Variants in FIRRM observed in about 807,000 individuals in gnomAD.
FIRRM encodes FIGNL1-interacting regulator of recombination and mitosis.
At chr1:169,791,406 C>T in the FIRRM span, among the ~76,000 whole-genome samples, 9 of 152,168 alleles carry the variant, frequency 5.9e-5, no homozygotes, top group East Asian at 5.8e-4. Flanking sequence ...TTCATCTTAG[C>T]GTAGTAAGAG....
At chr1:169,788,299 T>C in the FIRRM span, among the ~76,000 whole-genome samples, 1 of 152,284 alleles carries the variant, frequency 6.6e-6, no homozygotes. Context: ...TACTCCTCAG[T>C]CTACTCAAAG....
the FIRRM span, chr1:169,850,693 G>A: frequency 1.6e-4 from 27 of 173,376 alleles, no homozygotes; most frequent in Non-Finnish European, 2.4e-4. Flanking sequence ...CTACTCGGGA[G>A]GCTGAGGCAG....
chr1:169,824,485 C>T, the FIRRM span, among the ~76,000 whole-genome samples: 8 of 152,258 alleles, frequency 5.3e-5, no homozygotes, highest in South Asian at 1.0e-3. Context: ...AATACCGTCT[C>T]GTTTCTCTGC....
At chr1:169,785,246 T>C in the FIRRM span, among the ~76,000 whole-genome samples, 1 of 152,164 alleles carries the variant, frequency 6.6e-6, no homozygotes, top group Non-Finnish European at 1.5e-5. Flanking sequence ...GGCGAGCTCT[T>C]TGGGCTCTGG....
the FIRRM span, among the ~76,000 whole-genome samples, chr1:169,815,614 A>G: frequency 1.3e-5 from 2 of 152,158 alleles, no homozygotes; most frequent in Non-Finnish European, 2.9e-5. Flanking sequence ...CACTTTTGTC[A>G]CCATCTTAGA....
chr1:169,793,290 A>G, the FIRRM span: 2 of 1,614,090 alleles, frequency 1.2e-6, no homozygotes, highest in Non-Finnish European at 1.7e-6. Context: ...TCTTTCAACA[A>G]GATGGTTTTC....
the FIRRM span, chr1:169,851,828 A>G: frequency 6.2e-7 from 1 of 1,613,922 alleles, no homozygotes; most frequent in Non-Finnish European, 8.5e-7. Flanking sequence ...CTGGGTTTGT[A>G]GATGAAACTG....
chr1:169,853,012 T>C, the FIRRM span: 2 of 1,580,598 alleles, frequency 1.3e-6, no homozygotes, highest in Non-Finnish European at 1.7e-6. Flanking sequence ...CAGAACTGGG[T>C]TTGATGCTTT....
the FIRRM span, among the ~76,000 whole-genome samples, chr1:169,835,165 C>T: frequency 6.6e-6 from 1 of 151,860 alleles, no homozygotes. Flanking sequence ...AAAATAAGAA[C>T]CCAAATTTTT....
chr1:169,800,563 T>C, the FIRRM span, among the ~76,000 whole-genome samples: 2 of 152,190 alleles, frequency 1.3e-5, no homozygotes, highest in East Asian at 3.9e-4. Context: ...AAATTGGTGT[T>C]ATATTTTGGA....
At chr1:169,833,846 CTTTTTTTTT>C in the FIRRM span, among the ~76,000 whole-genome samples, 9 of 96,050 alleles carry the variant, frequency 9.4e-5, no homozygotes, top group South Asian at 8.1e-4. Context: ...AGTCACTTTC[CTTTTTTTTT>C]TTTTTTTTTT....
the FIRRM span, among the ~76,000 whole-genome samples, chr1:169,809,701 G>A: frequency 6.6e-6 from 1 of 152,090 alleles, no homozygotes; most frequent in African/African-American, 2.4e-5. Context: ...TCAAATTTGG[G>A]ACTGATAAAT....
the FIRRM span, among the ~76,000 whole-genome samples, chr1:169,836,052 AAT>A: frequency 1.2e-5 from 1 of 83,306 alleles, no homozygotes; most frequent in Non-Finnish European, 2.3e-5. Context: ...TGTCAGATTT[AAT>A]TTTTTTTTTT....
At chr1:169,783,908 C>G in the FIRRM span, 1 of 152,298 alleles carries the variant, frequency 6.6e-6, no homozygotes, top group African/African-American at 2.4e-5. Context: ...ACCTCAGCCT[C>G]CCACATAGCT....
At chr1:169,815,317 A>G in the FIRRM span, among the ~76,000 whole-genome samples, 1 of 151,794 alleles carries the variant, frequency 6.6e-6, no homozygotes, top group Non-Finnish European at 1.5e-5. Flanking sequence ...AAAGAAAAGA[A>G]TAAAGAATGG....
chr1:169,847,721 T>C, the FIRRM span: 2 of 1,613,530 alleles, frequency 1.2e-6, no homozygotes, highest in Non-Finnish European at 1.7e-6. Flanking sequence ...CTACTTAAAT[T>C]AGAGCTTCCT....
the FIRRM span, among the ~76,000 whole-genome samples, chr1:169,825,150 A>G: frequency 1.3e-5 from 2 of 152,108 alleles, no homozygotes; most frequent in African/African-American, 4.8e-5. Flanking sequence ...CTGACCCCCT[A>G]TTATTTTCTT....
chr1:169,849,577 C>T, the FIRRM span: 2 of 1,613,826 alleles, frequency 1.2e-6, no homozygotes, highest in Non-Finnish European at 1.7e-6. Flanking sequence ...AACAACATAC[C>T]TTGGAGGCGT....
At chr1:169,798,592 AAAAT>A in the FIRRM span, among the ~76,000 whole-genome samples, 4 of 152,150 alleles carry the variant, frequency 2.6e-5, no homozygotes, top group African/African-American at 4.8e-5. Context: ...TCTCTAAAAA[AAAAT>A]AAATAAATAA....
Sources: allele counts gnomAD v4.1 joint callset (sites outside exome capture counted in the v4.1 genomes callset), GRCh38; gene constraint gnomAD v4.1.1; transcripts MANE v1.5; gene names NCBI Gene and HGNC (gene_info 2026-07-23, HGNC 2026-07-21).